DLG2: variants seen among roughly 807,000 people sequenced by gnomAD.
DLG2 encodes the protein disks large homolog 2.
In DLG2, 45 loss-of-function variants were observed where a neutral mutation model predicts 132.5. The ratio of observed to expected loss-of-function variants is 0.34; its 90% CI spans 0.27 to 0.44. The LOEUF (loss-of-function observed/expected upper bound fraction) is 0.44. Ranked by LOEUF, DLG2 falls within the 20% of genes least tolerant of loss-of-function variation. The pLI, the probability that DLG2 is intolerant of heterozygous loss-of-function variation, is 1.00. For synonymous variants in DLG2, 424 were observed against 419.6 expected, an observed-to-expected ratio of 1.01 and a Z score of -0.13; for missense variants, 1,045 against 1,196.9, an observed-to-expected ratio of 0.87 and a Z score of 1.87.
intron 19 of DLG2, among the ~76,000 whole-genome samples, chr11:83,560,623 G>A (rs2096594718): frequency 6.6e-6 from 1 of 152,184 alleles, no homozygotes; most frequent in Non-Finnish European, 1.5e-5. Context: ...AAAAACTGGA[G>A]TGATCCAGGC....
chr11:84,265,986 CA>C (rs2097625254), intron 7 of DLG2, among the ~76,000 whole-genome samples: 2 of 152,214 alleles, frequency 1.3e-5, no homozygotes, highest in South Asian at 4.2e-4. Flanking sequence ...TGTTCTGTAA[CA>C]AATAAGCTTG....
At chr11:85,007,497 A>G (rs2058768378) in intron 6 of DLG2, among the ~76,000 whole-genome samples, 1 of 148,924 alleles carries the variant, frequency 6.7e-6, no homozygotes, top group African/African-American at 2.5e-5. Context: ...CATCTCTACT[A>G]AAAAAAAACA....
chr11:84,725,730 T>C (rs954115699), intron 6 of DLG2, among the ~76,000 whole-genome samples: 4 of 152,200 alleles, frequency 2.6e-5, no homozygotes, highest in Non-Finnish European at 5.9e-5. Context: ...GTGATAATAC[T>C]ATAGCATTGC....
chr11:83,715,134 A>G (rs1476526088), intron 18 of DLG2, among the ~76,000 whole-genome samples: 8 of 152,150 alleles, frequency 5.3e-5, no homozygotes, highest in Admixed American at 1.3e-4. Context: ...ACTGGTAACT[A>G]CAATTTTAAC....
intron 21 of DLG2, among the ~76,000 whole-genome samples, chr11:83,526,269 T>C (rs1215660779): frequency 6.6e-6 from 1 of 152,210 alleles, no homozygotes; most frequent in Admixed American, 6.6e-5. Context: ...TATTTTGCTT[T>C]CCTATTGCCA....
intron 6 of DLG2, among the ~76,000 whole-genome samples, chr11:84,686,140 A>C (rs950132875): frequency 2.0e-5 from 3 of 152,168 alleles, no homozygotes; most frequent in Admixed American, 1.3e-4. Flanking sequence ...CTCGAGCCAG[A>C]CAGCATATGG....
chr11:84,760,643 T>G (rs921375500), intron 6 of DLG2, among the ~76,000 whole-genome samples: 15 of 152,230 alleles, frequency 9.9e-5, no homozygotes, highest in African/African-American at 3.6e-4. Flanking sequence ...ATTTAAATTA[T>G]TTTTAACCAC....
chr11:84,381,077 C>T (rs574654188), intron 7 of DLG2, among the ~76,000 whole-genome samples: 42 of 151,406 alleles, frequency 2.8e-4, no homozygotes, highest in African/African-American at 8.7e-4. Context: ...AAATTTGAAA[C>T]GATAATAAGA....
intron 7 of DLG2, among the ~76,000 whole-genome samples, chr11:84,488,314 T>C (rs2099155990): frequency 6.6e-6 from 1 of 152,102 alleles, no homozygotes; most frequent in Non-Finnish European, 1.5e-5. Context: ...AAAGGAATCC[T>C]GGGAGGTGGT....
At chr11:85,590,144 C>T (rs1184030488) in intron 3 of DLG2, among the ~76,000 whole-genome samples, 1 of 152,058 alleles carries the variant, frequency 6.6e-6, no homozygotes, top group Non-Finnish European at 1.5e-5. Flanking sequence ...ATCACTAAAA[C>T]CCCAGAGCCT....
chr11:84,569,457 C>A (rs931755254), intron 6 of DLG2, among the ~76,000 whole-genome samples: 1 of 150,166 alleles, frequency 6.7e-6, no homozygotes, highest in Admixed American at 6.6e-5. Flanking sequence ...GTTCAGTGAA[C>A]AATAAGATTA....
intron 7 of DLG2, among the ~76,000 whole-genome samples, chr11:84,446,811 A>G (rs1486290512): frequency 6.6e-6 from 1 of 152,026 alleles, no homozygotes; most frequent in East Asian, 1.9e-4. Flanking sequence ...TCCTGCCCTG[A>G]ATGTCCATCA....
intron 21 of DLG2, among the ~76,000 whole-genome samples, chr11:83,499,849 GGA>G (rs56735590): frequency 0.12 from 6,976 of 58,242 alleles, 741 homozygotes; most frequent in Middle Eastern, 0.16. Context: ...TCCACTAATA[GGA>G]GATATATATA....
chr11:84,633,136 T>C (rs1565509208), intron 6 of DLG2, among the ~76,000 whole-genome samples: 1 of 152,220 alleles, frequency 6.6e-6, no homozygotes, highest in Non-Finnish European at 1.5e-5. Context: ...CTATTTATAA[T>C]CATTCTGGAC....
intron 7 of DLG2, among the ~76,000 whole-genome samples, chr11:84,266,926 G>A (rs1274886345): frequency 6.6e-6 from 1 of 152,236 alleles, no homozygotes; most frequent in Non-Finnish European, 1.5e-5. Flanking sequence ...ACTGCAGAAA[G>A]TAGGAAGAGG....
chr11:83,913,830 G>A (rs1346252974), intron 15 of DLG2, among the ~76,000 whole-genome samples: 1 of 152,154 alleles, frequency 6.6e-6, no homozygotes, highest in African/African-American at 2.4e-5. Flanking sequence ...GACAGGTGAT[G>A]TGGAGATTGG....
intron 18 of DLG2, among the ~76,000 whole-genome samples, chr11:83,782,751 C>G (rs1173665304): frequency 4.0e-5 from 6 of 151,830 alleles, no homozygotes; most frequent in African/African-American, 1.5e-4. Flanking sequence ...GGTGAGTTGG[C>G]TGGGAATATA....
intron 5 of DLG2, among the ~76,000 whole-genome samples, chr11:85,131,657 T>A (rs2075719600): frequency 6.6e-6 from 1 of 152,176 alleles, no homozygotes; most frequent in Non-Finnish European, 1.5e-5. Flanking sequence ...TCCACTAACA[T>A]CAACTGAAGC....
At chr11:83,759,598 A>T (rs1198522955) in intron 18 of DLG2, among the ~76,000 whole-genome samples, 1 of 152,152 alleles carries the variant, frequency 6.6e-6, no homozygotes, top group African/African-American at 2.4e-5. Flanking sequence ...AATTACACTC[A>T]TGCGGCTGTC....
Sources: allele counts gnomAD v4.1 joint callset (sites outside exome capture counted in the v4.1 genomes callset), GRCh38; gene constraint gnomAD v4.1.1; transcripts MANE v1.5; gene names NCBI Gene and HGNC (gene_info 2026-07-23, HGNC 2026-07-21).